Variants in DNAH12 observed in about 807,000 individuals in gnomAD.
DNAH12 encodes axonemal beta dynein heavy chain 12.
A neutral mutation model predicts 371.5 loss-of-function variants in DNAH12; 285 were observed. The observed-to-expected ratio is 0.77, with a 90% CI of 0.70 to 0.85. DNAH12 has a LOEUF of 0.85. Ranked by LOEUF, DNAH12 falls within the 40% of genes least tolerant of loss-of-function variation. DNAH12 has a pLI of 0.00. For synonymous variants in DNAH12, 1,200 were observed against 1,213.0 expected (o/e 0.99, Z 0.22); for missense variants, 3,611 against 3,689.4 (o/e 0.98, Z 0.55).
intron 60 of DNAH12, among the ~76,000 whole-genome samples, chr3:57,341,374 C>G (rs1233325347): frequency 2.6e-5 from 4 of 152,056 alleles, no homozygotes; most frequent in Non-Finnish European, 5.9e-5. Context: ...CCAAAAAACT[C>G]TTAAAACTAA....
intron 43 of DNAH12, among the ~76,000 whole-genome samples, chr3:57,397,084 T>A (rs2063757552): frequency 6.6e-6 from 1 of 152,216 alleles, no homozygotes; most frequent in South Asian, 2.1e-4. Flanking sequence ...ATACATTATA[T>A]AATTTAACCA....
chr3:57,427,350 C>T (rs1309219493), intron 34 of DNAH12, among the ~76,000 whole-genome samples: 1 of 151,976 alleles, frequency 6.6e-6, no homozygotes, highest in African/African-American at 2.4e-5. Context: ...AATCCAAGTC[C>T]TTGTAACTGT....
intron 25 of DNAH12, among the ~76,000 whole-genome samples, chr3:57,449,782 A>G (rs868008461): frequency 2.0e-5 from 3 of 152,168 alleles, no homozygotes; most frequent in Admixed American, 2.0e-4. Flanking sequence ...GCCAGCCCAG[A>G]AAGGGGCTCC....
At position 57,450,250 on chromosome 3, in the gene DNAH12, T is replaced by TA. The variant is rs58958877; in HGVS notation, c.3786+2592dup. 1.5e-3 allele frequency among the ~76,000 whole-genome samples: 147 copies of TA among 98,584 alleles called. 10 individuals carry two copies. Among genetic ancestry groups the TA allele is most frequent in the East Asian group, 9.3e-3 (33 of 3,558 alleles). The allele number at this position is 98,584 out of a possible 152,430, so 64.7% of individuals were successfully genotyped here. On this transcript the variant is annotated intron_variant, in intron 25 of 73. Transcript: ENST00000495027. ...GTGACAGAGTGAGACTGTCTCAATT[T>TA]AAAAAAAAAAAAAGGTGGCCCAGTG...
chr3:57,428,859 A>G (rs17793219), intron 33 of DNAH12, 38 bp from the exon 34 acceptor site: 41,918 of 1,481,202 alleles, frequency 0.028, 671 homozygotes, highest in Middle Eastern at 0.033. Flanking sequence ...TGTTGTTTTT[A>G]TACCAGTGGC....
At chr3:57,412,171 G>T (rs1461917944) in intron 39 of DNAH12, among the ~76,000 whole-genome samples, 1 of 152,198 alleles carries the variant, frequency 6.6e-6, no homozygotes, top group Non-Finnish European at 1.5e-5. Context: ...CTTGAAGCTA[G>T]AATTTTGAGA....
intron 57 of DNAH12, among the ~76,000 whole-genome samples, chr3:57,364,337 T>C (rs1171371982): frequency 6.6e-6 from 1 of 152,158 alleles, no homozygotes; most frequent in Non-Finnish European, 1.5e-5. Context: ...GATTTAAATA[T>C]TGGAAGAAAC....
rs760267681 is a variant in DNAH12, at chr3:57,501,412, A to G, written c.1244T>C (p.Val415Ala). The change falls in exon 11 of 74, where the codon GTT becomes GCT. Residue 415 changes from valine (V) to alanine (A), a missense_variant and splice_region_variant. By Grantham distance (64) the Val-to-Ala change is moderately conservative. This residue lies in a region of DNAH12 where 1,314 missense variants were observed against 1,398.7 expected (regional missense o/e 0.94). Transcript: ENST00000495027. The stretch of plus-strand genomic sequence containing the variant: ...ATCAAGGAGCCAATTATATTTTTCA[A>G]CTGAAAATTAATAATCTAATTAAAA... ...EGARKHYETY[V>A]EKYNWLLDGT... 5.0e-5 allele frequency: 79 copies of G among 1,577,466 alleles called. No individual in the cohort carries two copies. The highest frequency in any genetic ancestry group is 6.7e-5 in the Non-Finnish European group (78 of 1,167,902).
chr3:57,332,840 G>C (rs997837635), intron 62 of DNAH12, among the ~76,000 whole-genome samples: 4 of 152,178 alleles, frequency 2.6e-5, no homozygotes, highest in Non-Finnish European at 5.9e-5. Context: ...AAAAGCCATA[G>C]AGAGTCCTTA....
intron 71 of DNAH12, 46 bp downstream of exon 71, chr3:57,296,801 T>C (rs1311920700): frequency 2.0e-6 from 3 of 1,528,566 alleles, no homozygotes; most frequent in Non-Finnish European, 2.6e-6. Flanking sequence ...TTTAAATACA[T>C]GACTTAATGT....
At chr3:57,411,795 C>T (rs1553683127) in intron 39 of DNAH12, among the ~76,000 whole-genome samples, 2 of 152,056 alleles carry the variant, frequency 1.3e-5, no homozygotes, top group South Asian at 4.1e-4. Flanking sequence ...CAATCTAAAT[C>T]CCAGCAAGTT....
At chr3:57,507,499 C>A in intron 8 of DNAH12, 144 bp downstream of exon 8, 1 of 627,646 alleles carries the variant, frequency 1.6e-6, no homozygotes. Flanking sequence ...CAATATTTTT[C>A]TGCTAAAATT....
At chr3:57,361,542 C>T (rs2062936998) in intron 58 of DNAH12, among the ~76,000 whole-genome samples, 1 of 150,094 alleles carries the variant, frequency 6.7e-6, no homozygotes, top group Non-Finnish European at 1.5e-5. Flanking sequence ...CTCTCTTCCT[C>T]TACCTGCCAC....
intron 13 of DNAH12, among the ~76,000 whole-genome samples, chr3:57,481,345 T>G (rs2066735872): frequency 6.6e-6 from 1 of 152,064 alleles, no homozygotes; most frequent in Non-Finnish European, 1.5e-5. Context: ...ATAAAACACC[T>G]AGGAATCCAA....
upstream of DNAH12, among the ~76,000 whole-genome samples, chr3:57,544,809 G>A (rs1027320619): frequency 6.6e-6 from 1 of 152,116 alleles, no homozygotes; most frequent in Non-Finnish European, 1.5e-5. Context: ...GTGGTATGCT[G>A]GGAGAAAGAT....
At chr3:57,543,133 T>C (rs779284969) in intron 1 of DNAH12, among the ~76,000 whole-genome samples, 5 of 152,094 alleles carry the variant, frequency 3.3e-5, no homozygotes, top group Non-Finnish European at 7.4e-5. Flanking sequence ...CTTCAGGGCT[T>C]GTTTCCTAAT....
chr3:57,319,508 T>G (rs1168512682), intron 65 of DNAH12, among the ~76,000 whole-genome samples: 1 of 152,178 alleles, frequency 6.6e-6, no homozygotes, highest in Non-Finnish European at 1.5e-5. Context: ...AGTTGTGGTA[T>G]TTTCATATTG....
intron 65 of DNAH12, among the ~76,000 whole-genome samples, chr3:57,317,367 T>A (rs775814448): frequency 6.6e-6 from 1 of 152,176 alleles, no homozygotes; most frequent in African/African-American, 2.4e-5. Flanking sequence ...TTCCCATTAA[T>A]AAGCAACTCC....
In DNAH12 at chr3:57,360,828, G is replaced by A. The variant is rs997218683; in HGVS notation, c.9360+2766C>T. Among the ~76,000 whole-genome samples the A allele has an allele frequency of 1.3e-3, 194 of 152,136 alleles. 1 individual carries two copies. Among genetic ancestry groups the A allele is most frequent in the Non-Finnish European group, 1.9e-3 (128 of 67,994 alleles). On this transcript the variant is annotated intron_variant, in intron 58 of 73. Coordinates refer to ENST00000495027, the MANE Select transcript of DNAH12 (RefSeq NM_001366028.2). ...ATTTTTTAATTACCCTAAAGTGAAG[G>A]AGCACATAATTCATTGGGTGGGTCA...
Sources: allele counts gnomAD v4.1 joint callset (sites outside exome capture counted in the v4.1 genomes callset), GRCh38; gene constraint gnomAD v4.1.1; regional missense constraint gnomAD v4.1.1; transcripts MANE v1.5; gene names NCBI Gene and HGNC (gene_info 2026-07-23, HGNC 2026-07-21).